The following BLZF1 variants were observed in gnomAD, a reference collection of about 807,000 sequenced individuals.
BLZF1 encodes the protein basic leucine zipper nuclear factor 1, also known as golgin-45.
A neutral mutation model predicts 43.8 loss-of-function variants in BLZF1; 39 were observed. The observed-to-expected ratio is 0.89, with a 90% CI of 0.69 to 1.16. BLZF1 has a LOEUF of 1.16. BLZF1 is among the 50% of genes most tolerant of loss of function. The pLI is 0.00. For missense variants in BLZF1, 449 were observed against 469.8 expected, an observed-to-expected ratio of 0.96 and a Z score of 0.41; for synonymous variants, 136 against 159.4, an observed-to-expected ratio of 0.85 and a Z score of 1.11.
intron 2 of BLZF1, among the ~76,000 whole-genome samples, chr1:169,376,301 T>C (rs1654340647): frequency 6.6e-6 from 1 of 152,128 alleles, no homozygotes; most frequent in Non-Finnish European, 1.5e-5. Flanking sequence ...CCCAGGGTTA[T>C]ACTAGAAAGT....
At chr1:169,394,464 C>T (rs1571450452) in intron 7 of BLZF1, among the ~76,000 whole-genome samples, 1 of 152,076 alleles carries the variant, frequency 6.6e-6, no homozygotes, top group East Asian at 1.9e-4. Flanking sequence ...AGTTTTTCAA[C>T]CCTTGCTCCC....
chr1:169,384,642 C>A lies in BLZF1; in HGVS notation c.1018-2355C>A, dbSNP rs942249243. ...TGCACATAGGCCATTGTATCTCATG[C>A]CTCTGTACATACTTTTTCTTGTCTG... On this transcript the variant is annotated intron_variant, in intron 6 of 6. Transcript: ENST00000367808. Among the ~76,000 whole-genome samples, 3 of 152,098 alleles carry A rather than the reference C, an allele frequency of 2.0e-5. 1 individual carries two copies. In the South Asian group the frequency reaches 6.2e-4, roughly 32 times the overall value.
In BLZF1 at chr1:169,376,544, C is replaced by T. The variant is rs777323039; in HGVS notation, c.33C>T (p.Thr11=). 1.1e-5 allele frequency: 17 copies of T among 1,589,272 alleles called. No homozygotes were observed. In the East Asian group the frequency reaches 2.9e-4, roughly 27 times the overall value. MTTKNLETKV[T]VTSSPIRGAG... ...GTTTTGTTTCCTTTTTGTTAGTCAC[C>T]GTTACTTCATCCCCAATCCGAGGAG... The change falls in exon 3 of 7, where the codon ACC becomes ACT. Residue 11 remains threonine, a synonymous_variant. Transcript: ENST00000367808.
downstream of BLZF1, among the ~76,000 whole-genome samples, chr1:169,389,825 A>G (rs186291307): frequency 2.0e-5 from 3 of 152,322 alleles, no homozygotes; most frequent in African/African-American, 7.2e-5. Flanking sequence ...ATATTATACT[A>G]AGTGAAATAA....
intron 3 of BLZF1, chr1:169,377,283 C>A: frequency 2.9e-6 from 1 of 348,942 alleles, no homozygotes; most frequent in Non-Finnish European, 5.1e-6. Context: ...CCAAGTCAGG[C>A]ATAGTAATTG....
rs555218731 is a variant in BLZF1 at position 169,381,128 on chromosome 1, C to G, written c.797+519C>G. Among the ~76,000 whole-genome samples, 16 of 151,472 alleles carry G rather than the reference C, an allele frequency of 1.1e-4. 1 individual carries two copies. The South Asian group carries it at 3.1e-3, about 30-fold the overall frequency. On this transcript the variant is annotated intron_variant, in intron 5 of 6. Transcript: ENST00000367808. ...AGGGGAAATTAGAAGAATGAAAACA[C>G]AAGAAACGTCTAACCAGTTTAATCA...
chr1:169,370,646 A>G (rs12022617), intron 2 of BLZF1, among the ~76,000 whole-genome samples: 12,836 of 152,254 alleles, frequency 0.084, 738 homozygotes, highest in Admixed American at 0.19. Context: ...TAGCTATTTC[A>G]ATCATTGAAG....
chr1:169,394,006 T>G (rs1417499481), intron 7 of BLZF1, among the ~76,000 whole-genome samples: 1 of 152,208 alleles, frequency 6.6e-6, no homozygotes, highest in Non-Finnish European at 1.5e-5. Flanking sequence ...TGCTCTTACA[T>G]GTATCAGAAG....
intron 5 of BLZF1, among the ~76,000 whole-genome samples, chr1:169,381,035 A>G (rs1399444475): frequency 2.0e-5 from 3 of 152,092 alleles, no homozygotes; most frequent in African/African-American, 7.2e-5. Context: ...CTTCCTTAAA[A>G]GCCTTTTGCA....
chr1:169,379,096 C>G (rs568779610), intron 4 of BLZF1, among the ~76,000 whole-genome samples: 7 of 152,026 alleles, frequency 4.6e-5, no homozygotes, highest in Non-Finnish European at 8.8e-5. Flanking sequence ...GATTCTTTGT[C>G]TATTTATCCC....
chr1:169,387,169 T>C lies in BLZF1; in HGVS notation c.1190T>C (p.Leu397Pro). Residue 397 changes from leucine (L) to proline (P), a missense_variant, in exon 7 of 7, where the codon CTG becomes CCG. Physicochemically the swap from Leu to Pro is moderately conservative, Grantham distance 98. Coordinates refer to ENST00000367808, the MANE Select transcript of BLZF1 (RefSeq NM_001320973.2). ...TGCTGCAATCACTGCCGGGGAGAAC[T>C]GATTGCCCTTTAACAGTCAATATGT... ...FNCCNHCRGE[L>P]IAL 2 of 1,613,352 alleles carry C rather than the reference T, an allele frequency of 1.2e-6. No homozygotes were observed. Among genetic ancestry groups the C allele is most frequent in the Non-Finnish European group, 1.7e-6 (2 of 1,179,766 alleles).
chr1:169,376,217 T>G (rs925225093), intron 2 of BLZF1, among the ~76,000 whole-genome samples: 1 of 152,086 alleles, frequency 6.6e-6, no homozygotes, highest in South Asian at 2.1e-4. Flanking sequence ...CTTACCAAAA[T>G]TCTATAGCAA....
At chr1:169,395,952 G>A (rs1416179379) in exon 8 of BLZF1, 1 of 151,208 alleles carries the variant, frequency 6.6e-6, no homozygotes, top group Non-Finnish European at 1.5e-5. Context: ...ATCATAATCT[G>A]ATGATATGTG....
intron 4 of BLZF1, among the ~76,000 whole-genome samples, chr1:169,379,997 TA>T (rs34066958): frequency 4.4e-4 from 67 of 151,984 alleles, no homozygotes; most frequent in African/African-American, 1.6e-3. Context: ...TTGAGAAGTG[TA>T]AAAAAACTTT....
At chr1:169,394,179 AACG>A (rs1654893209) in intron 7 of BLZF1, among the ~76,000 whole-genome samples, 2 of 152,220 alleles carry the variant, frequency 1.3e-5, no homozygotes, top group Non-Finnish European at 1.5e-5. Flanking sequence ...TTCTCTGCAG[AACG>A]ACACTAATAG....
At position 169,382,289 on chromosome 1, in the gene BLZF1, A is replaced by G. The variant is rs1654549778; in HGVS notation, c.1017+8A>G. ...GAGAAAATGGCTGAAACGGTAAAAT[A>G]TTTTCTTTTGTGATCTATGGAACTT... On this transcript the variant is annotated splice_region_variant and intron_variant, in intron 6 of 6. Coordinates refer to ENST00000367808, the MANE Select transcript of BLZF1 (RefSeq NM_001320973.2). 2.5e-6 allele frequency: 4 copies of G among 1,609,976 alleles called. No individual in the cohort carries two copies. Among genetic ancestry groups the G allele is most frequent in the Non-Finnish European group, 3.4e-6 (4 of 1,177,328 alleles).
Position 169,387,175 on chromosome 1 carries a change from C to T in BLZF1, c.1196C>T (p.Ala399Val). The change falls in exon 7 of 7, where the codon GCC (alanine) becomes GTC (valine). Residue 399 changes from alanine (A) to valine (V), a missense_variant. Ala to Val is a moderately conservative substitution (Grantham distance 64). Coordinates refer to ENST00000367808, the MANE Select transcript of BLZF1 (RefSeq NM_001320973.2). The part of the protein sequence containing the change: ...CCNHCRGELI[A>V]L ...AATCACTGCCGGGGAGAACTGATTG[C>T]CCTTTAACAGTCAATATGTTGGAGG... 6.2e-7 allele frequency: 1 copy of T among 1,612,266 alleles called. No individual in the cohort carries two copies. The highest frequency in any genetic ancestry group is 2.2e-5 in the East Asian group (1 of 44,784).
chr1:169,376,856 A>G lies in BLZF1; in HGVS notation c.345A>G (p.Gly115=), dbSNP rs770034509. ...HKGEFLGQSE[G]VIEPNKELSE... ...GAGAATTCCTTGGTCAGTCAGAGGG[A>G]GTTATAGAACCTAATAAGGAACTCT... Residue 115 remains glycine, a synonymous_variant, in exon 3 of 7, where the codon GGA becomes GGG. Coordinates refer to ENST00000367808, the MANE Select transcript of BLZF1 (RefSeq NM_001320973.2). 1 of 1,613,344 alleles carries G rather than the reference A, an allele frequency of 6.2e-7. No individual in the cohort carries two copies. Among genetic ancestry groups the G allele is most frequent in the Non-Finnish European group, 8.5e-7 (1 of 1,179,536 alleles).
chr1:169,369,423 A>G (rs1654028396), intron 1 of BLZF1, 50 bp from the exon 2 acceptor site: 11 of 926,158 alleles, frequency 1.2e-5, no homozygotes, highest in Non-Finnish European at 1.8e-5. Context: ...GAGGTACTCT[A>G]TGTGTTTATA....
Sources: allele counts gnomAD v4.1 joint callset (sites outside exome capture counted in the v4.1 genomes callset), GRCh38; gene constraint gnomAD v4.1.1; transcripts MANE v1.5; gene names NCBI Gene and HGNC (gene_info 2026-07-23, HGNC 2026-07-21).